Variants in BLM observed in about 807,000 individuals in gnomAD.
The protein encoded by BLM is recQ-like DNA helicase BLM.
A neutral mutation model predicts 135.3 loss-of-function variants in BLM; 95 were observed. That is an observed-to-expected ratio of 0.70 (90% CI 0.59 to 0.83). BLM has a LOEUF of 0.83. Among genes scored for constraint, BLM ranks in the 40% least tolerant of loss-of-function variants. The pLI, the probability that BLM is intolerant of heterozygous loss-of-function variation, is 0.00. For missense variants in BLM, 1,518 were observed against 1,663.9 expected, an observed-to-expected ratio of 0.91 and a Z score of 1.53; for synonymous variants, 520 against 589.2, an observed-to-expected ratio of 0.88 and a Z score of 1.70.
At chr15:90,777,123 A>G (rs561144431) in intron 12 of BLM, among the ~76,000 whole-genome samples, 1 of 149,810 alleles carries the variant, frequency 6.7e-6, no homozygotes, top group African/African-American at 2.5e-5. Flanking sequence ...GACTACAGGC[A>G]CATACTACCA....
chr15:90,723,879 C>T (rs902700563), intron 1 of BLM, among the ~76,000 whole-genome samples: 16 of 152,132 alleles, frequency 1.1e-4, no homozygotes, highest in South Asian at 2.1e-4. Context: ...TTAGATACCT[C>T]GTTGCAGTGG....
In BLM at chr15:90,760,721, A is replaced by G. The variant is rs200385935; in HGVS notation, c.1348A>G (p.Met450Val). 9.3e-6 allele frequency: 15 copies of G among 1,614,038 alleles called. No homozygotes were observed. Among genetic ancestry groups the G allele is most frequent in the Admixed American group, 1.7e-5 (1 of 60,004 alleles). The change falls in exon 7 of 22, where the codon ATG (methionine) becomes GTG (valine). Residue 450 changes from methionine (M) to valine (V), a missense_variant. Physicochemically the swap from Met to Val is conservative, Grantham distance 21. Around this residue, in one of 5 missense-constraint regions of BLM, gnomAD observed 724 missense variants for 756.9 expected, o/e 0.96. Transcript: ENST00000355112. The stretch of plus-strand genomic sequence containing the variant: ...TGATTCCTGCCCTACAGGGAATTCT[A>G]TGAAGGAGTTAAATTTTTCACACCT... ...EGDSCPTGNS[M>V]KELNFSHLPS... is the part of the protein sequence containing the mutation.
At chr15:90,744,749 C>T (rs1895455983) in intron 1 of BLM, among the ~76,000 whole-genome samples, 1 of 151,458 alleles carries the variant, frequency 6.6e-6, no homozygotes, top group African/African-American at 2.4e-5. Context: ...AAATATTCTC[C>T]ATTAAAAAGA....
At chr15:90,807,525 G>A (rs1897311260) in intron 19 of BLM, among the ~76,000 whole-genome samples, 1 of 152,068 alleles carries the variant, frequency 6.6e-6, no homozygotes, top group Non-Finnish European at 1.5e-5. Flanking sequence ...CCAGCTTCCT[G>A]AGTAGCTGGA....
intron 19 of BLM, 175 bp from the exon 20 acceptor site, chr15:90,808,962 C>A: frequency 1.2e-6 from 1 of 800,154 alleles, no homozygotes; most frequent in Non-Finnish European, 2.1e-6. Context: ...GCCCTCTGTG[C>A]CTGTCTGCTG....
At chr15:90,781,880 A>G (rs1292225359) in intron 12 of BLM, among the ~76,000 whole-genome samples, 3 of 152,136 alleles carry the variant, frequency 2.0e-5, no homozygotes, top group Non-Finnish European at 2.9e-5. Context: ...TGTTCTAACC[A>G]TCTCTGCTTT....
chr15:90,727,145 G>C (rs1329490801), intron 1 of BLM, among the ~76,000 whole-genome samples: 1 of 151,914 alleles, frequency 6.6e-6, no homozygotes, highest in African/African-American at 2.4e-5. Flanking sequence ...GGGGTAGGAT[G>C]ATACTTCATT....
chr15:90,747,745 C>G (rs1895542863), intron 2 of BLM: 1 of 403,990 alleles, frequency 2.5e-6, no homozygotes, highest in African/African-American at 2.0e-5. Context: ...AATAATTGAT[C>G]TTGTAAATTT....
chr15:90,740,851 T>TA (rs1895346175), intron 1 of BLM, among the ~76,000 whole-genome samples: 1 of 152,198 alleles, frequency 6.6e-6, no homozygotes, highest in South Asian at 2.1e-4. Context: ...CCTTTGCCCC[T>TA]CCTTTGCCTT....
intron 7 of BLM, chr15:90,762,527 TGCACA>T: frequency 1.1e-5 from 2 of 185,006 alleles, no homozygotes; most frequent in Non-Finnish European, 2.3e-5. Context: ...AGGCATTTGC[TGCACA>T]CGGGTCATGT....
chr15:90,813,407 T>C (rs1897472453), intron 21 of BLM, among the ~76,000 whole-genome samples: 1 of 152,136 alleles, frequency 6.6e-6, no homozygotes, highest in South Asian at 2.1e-4. Flanking sequence ...TTGTTGTTGT[T>C]GTCGTTATGG....
intron 12 of BLM, among the ~76,000 whole-genome samples, chr15:90,773,330 A>G (rs1896378329): frequency 6.7e-6 from 1 of 150,354 alleles, no homozygotes; most frequent in Non-Finnish European, 1.5e-5. Flanking sequence ...TGAGACAGGA[A>G]AATTGGTTGT....
intron 19 of BLM, among the ~76,000 whole-genome samples, chr15:90,807,099 A>G (rs962757337): frequency 1.3e-5 from 2 of 152,132 alleles, no homozygotes; most frequent in African/African-American, 2.4e-5. Context: ...GTTTTTCCCT[A>G]TGTCATCACT....
At chr15:90,744,035 A>G (rs573121064) in intron 1 of BLM, among the ~76,000 whole-genome samples, 4 of 152,368 alleles carry the variant, frequency 2.6e-5, no homozygotes, top group South Asian at 4.1e-4. Context: ...CTAAGTAGAC[A>G]TATAAAACCA....
rs1369548679 is a variant in BLM at position 90,749,797 on chromosome 15, T to G, written c.529T>G (p.Phe177Val). 6.2e-7 allele frequency: 1 copy of G among 1,610,314 alleles called. No individual in the cohort carries two copies. The highest frequency in any genetic ancestry group is 1.7e-5 in the Admixed American group (1 of 59,424). The part of the protein sequence containing the change: ...KSFVTPPQSH[F>V]VRVSTAQKSK... The stretch of plus-strand genomic sequence containing the variant: ...ATTTGTTACACCACCCCAAAGTCAC[T>G]TTGTAAGAGTAAGCACTGCTCAGAA... Residue 177 changes from phenylalanine (F) to valine (V), a missense_variant, in exon 3 of 22, where the codon TTT (phenylalanine) becomes GTT (valine). By Grantham distance (50) the Phe-to-Val change is conservative. This residue lies in a region of BLM where 724 missense variants were observed against 756.9 expected (regional missense o/e 0.96). Coordinates refer to ENST00000355112, the MANE Select transcript of BLM (RefSeq NM_000057.4).
At chr15:90,792,476 CA>C (rs1394616281) in intron 15 of BLM, among the ~76,000 whole-genome samples, 5 of 151,990 alleles carry the variant, frequency 3.3e-5, no homozygotes, top group Non-Finnish European at 5.9e-5. Context: ...GCACTGTGCC[CA>C]ACACTGCATA....
intron 19 of BLM, among the ~76,000 whole-genome samples, chr15:90,806,235 G>A (rs1279254572): frequency 1.3e-5 from 2 of 152,124 alleles, no homozygotes; most frequent in Non-Finnish European, 1.5e-5. Flanking sequence ...AATGGGCTGG[G>A]GGCCGTGGCT....
rs144934208 is a variant in BLM, at chr15:90,737,392, A to G, written c.-4-9997A>G. Among the ~76,000 whole-genome samples the G allele has an allele frequency of 8.5e-3, 1,292 of 152,312 alleles. 15 individuals are homozygous for G. The highest frequency in any genetic ancestry group is 0.03 in the African/African-American group (1,235 of 41,558). On this transcript the variant is annotated intron_variant, in intron 1 of 21. Transcript: ENST00000355112. ...AAGGGCCTAGGAGCAATGATATGCA[A>G]GTAGCAGATCATATCTAATGGCCAG...
rs1275060845 is a variant in BLM at position 90,785,039 on chromosome 15, A to C, written c.2781A>C (p.Arg927Ser). 1 of 1,614,146 alleles carries C rather than the reference A, an allele frequency of 6.2e-7. No individual in the cohort carries two copies. The highest frequency in any genetic ancestry group is 1.7e-5 in the Admixed American group (1 of 60,016). Residue 927 changes from arginine to serine, a missense_variant, in exon 14 of 22, where the codon AGA becomes AGC. By Grantham distance (110) the Arg-to-Ser change is moderately radical (BLOSUM62 -1). Coordinates refer to ENST00000355112, the MANE Select transcript of BLM (RefSeq NM_000057.4). ...AYHAGLSDSA[R>S]DEVQQKWINQ... ...ATGCTGGCCTCAGTGATTCTGCCAG[A>C]GATGAAGTGCAGCAGAAGTGGATTA...
Sources: allele counts gnomAD v4.1 joint callset (sites outside exome capture counted in the v4.1 genomes callset), GRCh38; gene constraint gnomAD v4.1.1; regional missense constraint gnomAD v4.1.1; transcripts MANE v1.5; gene names NCBI Gene and HGNC (gene_info 2026-07-23, HGNC 2026-07-21).